The following CHD2 variants were observed in gnomAD, a reference collection of about 807,000 sequenced individuals.
CHD2 encodes ATP-dependent chromatin remodeler CHD2.
A neutral mutation model predicts 243.9 loss-of-function variants in CHD2; 28 were observed. The ratio of observed to expected loss-of-function variants is 0.11; its 90% CI spans 0.09 to 0.16. The LOEUF (loss-of-function observed/expected upper bound fraction) is 0.16. Ranked by LOEUF, CHD2 falls within the 10% of genes least tolerant of loss-of-function variation. The pLI, the probability that CHD2 is intolerant of heterozygous loss-of-function variation, is 1.00. For missense variants in CHD2, 1,386 were observed against 2,209.8 expected (o/e 0.63, Z 7.47); for synonymous variants, 775 against 779.0 (o/e 0.99, Z 0.09).
At chr15:92,976,504 T>G (rs1249189642) in intron 20 of CHD2, among the ~76,000 whole-genome samples, 1 of 151,942 alleles carries the variant, frequency 6.6e-6, no homozygotes, top group Non-Finnish European at 1.5e-5. Flanking sequence ...CATACAGTTT[T>G]GTTCCCTTCA....
At chr15:92,993,066 G>T in intron 28 of CHD2, 68 bp downstream of exon 28, 1 of 1,579,118 alleles carries the variant, frequency 6.3e-7, no homozygotes, top group South Asian at 1.1e-5. Flanking sequence ...TGTTGCTAAA[G>T]GGCGTTTTAA....
intron 7 of CHD2, among the ~76,000 whole-genome samples, chr15:92,940,852 A>G (rs1412710471): frequency 9.4e-6 from 1 of 106,602 alleles, no homozygotes; most frequent in African/African-American, 2.8e-5. Context: ...ATATATATAA[A>G]TATATAAATA....
intron 13 of CHD2, among the ~76,000 whole-genome samples, chr15:92,951,771 A>G (rs75926056): frequency 0.032 from 4,815 of 152,330 alleles, 113 homozygotes; most frequent in Middle Eastern, 0.092. Flanking sequence ...AACTGTGTAG[A>G]AAATTAGGTG....
In CHD2 at chr15:92,981,175, TG is replaced by T. The variant is rs200922355; in HGVS notation, c.2974-189del. ...ATTTTTGAAGTTTCACCTTGTCATT[TG>T]TATAAATTATAGTTTGAGACATTAG... On this transcript the variant is annotated intron_variant, in intron 23 of 38. Coordinates refer to ENST00000394196, the MANE Select transcript of CHD2 (RefSeq NM_001271.4). Among the ~76,000 whole-genome samples, 1,242 of 152,342 alleles carry T rather than the reference TG, an allele frequency of 8.2e-3. 11 individuals carry two copies. The highest frequency in any genetic ancestry group is 0.014 in the Non-Finnish European group (958 of 68,016).
intron 20 of CHD2, among the ~76,000 whole-genome samples, chr15:92,976,189 G>A (rs1188167599): frequency 6.6e-6 from 1 of 151,408 alleles, no homozygotes; most frequent in Non-Finnish European, 1.5e-5. Flanking sequence ...CCTGTCTCAG[G>A]GGAAAAAAAA....
At chr15:92,988,266 G>C (rs1040673641) in intron 26 of CHD2, among the ~76,000 whole-genome samples, 2 of 152,026 alleles carry the variant, frequency 1.3e-5, no homozygotes, top group Non-Finnish European at 2.9e-5. Context: ...TGTATTTTTA[G>C]TAGAGATGGG....
chr15:92,927,510 A>T (rs2053085297), intron 4 of CHD2, among the ~76,000 whole-genome samples, 180 bp downstream of exon 4: 1 of 152,204 alleles, frequency 6.6e-6, no homozygotes, highest in African/African-American at 2.4e-5. Context: ...CAAATAAAAG[A>T]ATCTAACCAG....
chr15:92,985,096 C>T (rs770829579), intron 25 of CHD2, among the ~76,000 whole-genome samples: 2 of 152,082 alleles, frequency 1.3e-5, no homozygotes. Context: ...TGAGCCCTTA[C>T]AATGTGCTAG....
At position 93,024,383 on chromosome 15, in the gene CHD2, ACTC is replaced by A; in HGVS notation, c.5167_5169del (p.Ser1723del). ...CATCTCTATTTCAGGCACCATCATGACTCCAAGCGGAGGAGATCCGATGAATTT... is the reference window on the plus strand; with the variant it reads ...CATCTCTATTTCAGGCACCATCATGACAAGCGGAGGAGATCCGATGAATTT... On this transcript the variant is annotated inframe_deletion, in exon 39 of 39. Coordinates refer to ENST00000394196, the MANE Select transcript of CHD2 (RefSeq NM_001271.4). 6.2e-7 allele frequency: 1 copy of A among 1,612,730 alleles called. No individual in the cohort carries two copies.
chr15:92,927,411 T>G lies in CHD2; in HGVS notation c.381+81T>G, dbSNP rs528634611. ...TTTCTGACTCTGGTATGTATTACCA[T>G]TAAAAAGACTGAACTTCAGGCATGA... On this transcript the variant is annotated intron_variant, in intron 4 of 38. Transcript: ENST00000394196. 3.6e-4 allele frequency: 362 copies of G among 1,011,760 alleles called. 4 individuals are homozygous for G. The Admixed American group carries it at 7.1e-3, about 20-fold the overall frequency. 62.7% of individuals were successfully genotyped at this position (1,011,760 alleles called of 1,614,324 possible).
Position 92,984,397 on chromosome 15 carries a change from A to G in CHD2, c.3134A>G (p.Glu1045Gly), listed in dbSNP as rs1228421702. 1 of 1,610,876 alleles carries G rather than the reference A, an allele frequency of 6.2e-7. No homozygotes were observed. Among genetic ancestry groups the G allele is most frequent in the Admixed American group, 1.7e-5 (1 of 59,688 alleles). ...LEERPHKDWD[E>G]IIPEEQRKKV... is the part of the protein sequence containing the mutation. ...GAGCGTCCTCACAAGGACTGGGATG[A>G]GATCATTCCAGAGGAACAAAGGAAA... The change falls in exon 25 of 39, where the codon GAG becomes GGG. Residue 1045 changes from glutamate to glycine, a missense_variant. Around this residue, in one of 19 missense-constraint regions of CHD2, gnomAD observed 99 missense variants for 206.4 expected, o/e 0.48. Transcript: ENST00000394196.
chr15:92,916,766 A>G (rs2052845516), intron 2 of CHD2, among the ~76,000 whole-genome samples: 1 of 152,110 alleles, frequency 6.6e-6, no homozygotes, highest in Admixed American at 6.5e-5. Flanking sequence ...GTGGTCCAGG[A>G]TTGTCTCAGT....
intron 14 of CHD2, 47 bp from the exon 15 acceptor site, chr15:92,955,376 A>G (rs747564740): frequency 1.5e-5 from 18 of 1,179,620 alleles, no homozygotes; most frequent in Non-Finnish European, 2.1e-5. Context: ...TGTGATATAG[A>G]AAGGTAGAAG....
rs2141846369 is a variant in CHD2 at position 92,980,832 on chromosome 15, A to T, written c.2894A>T (p.Lys965Ile). 1.9e-6 allele frequency: 3 copies of T among 1,613,338 alleles called. No homozygotes were observed. The highest frequency in any genetic ancestry group is 2.5e-6 in the Non-Finnish European group (3 of 1,179,464). Residue 965 changes from lysine (K) to isoleucine (I), a missense_variant, in exon 23 of 39, where the codon AAA becomes ATA. Around this residue, in one of 19 missense-constraint regions of CHD2, gnomAD observed 99 missense variants for 206.4 expected, o/e 0.48. Coordinates refer to ENST00000394196, the MANE Select transcript of CHD2 (RefSeq NM_001271.4). ...SGRSNSNPFN[K>I]EELTAILKFG... ...TTCCACAGCTCAAATCCTTTTAATA[A>T]AGAAGAGCTGACAGCTATTTTGAAA...
In CHD2 at chr15:92,955,554, G is replaced by T. The variant is rs769457289; in HGVS notation, c.1809+42G>T. On this transcript the variant is annotated intron_variant, in intron 15 of 38. Coordinates refer to ENST00000394196, the MANE Select transcript of CHD2 (RefSeq NM_001271.4). The stretch of plus-strand genomic sequence containing the variant: ...TAAAAGGCTAAATCTTTTCCAGTGC[G>T]ACTTGTCCAGATGGTAGGGTCTGTT... The T allele has an allele frequency of 7.1e-6, 9 of 1,270,126 alleles. No individual in the cohort carries two copies. In the East Asian group the frequency reaches 1.5e-4, roughly 21 times the overall value. 78.7% of individuals were successfully genotyped at this position (1,270,126 alleles called of 1,614,324 possible).
In CHD2 at chr15:92,981,362, T is replaced by C. The variant is rs778558788; in HGVS notation, c.2974-3T>C. 6.2e-7 allele frequency: 1 copy of C among 1,611,672 alleles called. No individual in the cohort carries two copies. The highest frequency in any genetic ancestry group is 1.1e-5 in the South Asian group (1 of 90,930). On this transcript the variant is annotated splice_region_variant and splice_polypyrimidine_tract_variant and intron_variant, in intron 23 of 38. Transcript: ENST00000394196. ...CTATTCGTGTTGGCTTTTGTTCTTTTAGGAAATGGATATAGATGAAATTTT... is the reference window on the plus strand; with the variant it reads ...CTATTCGTGTTGGCTTTTGTTCTTTCAGGAAATGGATATAGATGAAATTTT...
chr15:92,904,222 C>G (rs2052573858), intron 2 of CHD2, among the ~76,000 whole-genome samples: 1 of 152,234 alleles, frequency 6.6e-6, no homozygotes, highest in South Asian at 2.1e-4. Context: ...TGCCGCAGCG[C>G]TGACAGACAT....
intron 2 of CHD2, among the ~76,000 whole-genome samples, chr15:92,922,153 A>G (rs931645151): frequency 6.6e-6 from 1 of 151,944 alleles, no homozygotes; most frequent in Non-Finnish European, 1.5e-5. Flanking sequence ...CCCTATGGTA[A>G]AATAGAAAGA....
chr15:93,015,150 C>G lies in CHD2; in HGVS notation c.4906+241C>G, dbSNP rs376559498. 2.1e-4 allele frequency among the ~76,000 whole-genome samples: 32 copies of G among 152,256 alleles called. 1 individual carries two copies. In the East Asian group the frequency reaches 6.2e-3, roughly 29 times the overall value. On this transcript the variant is annotated intron_variant, in intron 37 of 38. Transcript: ENST00000394196. ...CTGGAGTGCAGTGGCACAATCTCGG[C>G]TCACTGCAACCTCCACCTCCTGGGT... is the stretch of plus-strand genomic sequence containing the variant.
Sources: gnomAD v4.1 joint callset for allele counts (sites outside exome capture counted in the v4.1 genomes callset) on GRCh38, gnomAD v4.1.1 for gene constraint, gnomAD v4.1.1 regional missense constraint, MANE v1.5 for transcripts, NCBI Gene and HGNC (gene_info 2026-07-23, HGNC 2026-07-21) for gene names.